Variants in TRPM6 observed in about 807,000 individuals in gnomAD.
TRPM6 encodes the protein transient receptor potential cation channel subfamily M member 6.
A neutral mutation model predicts 247.6 loss-of-function variants in TRPM6; 111 were observed. The ratio of observed to expected loss-of-function variants is 0.45; its 90% CI spans 0.38 to 0.52. The LOEUF is 0.52. TRPM6 is among the 20% of genes least tolerant of loss of function. The probability of loss-of-function intolerance (pLI) is 0.00; values close to 1 mark genes in which losing one functional copy is unlikely to be tolerated. For missense variants in TRPM6, 2,126 were observed against 2,421.5 expected (o/e 0.88, Z 2.56); for synonymous variants, 892 against 853.8 (o/e 1.04, Z -0.78).
chr9:74,841,501 ACTT>A (rs1387542256), intron 4 of TRPM6, among the ~76,000 whole-genome samples: 2 of 148,496 alleles, frequency 1.3e-5, no homozygotes, highest in Non-Finnish European at 3.0e-5. Context: ...TCATCTTTGA[ACTT>A]CTTTTTTTTT....
intron 14 of TRPM6, among the ~76,000 whole-genome samples, chr9:74,805,997 G>A (rs948270592): frequency 4.6e-5 from 7 of 151,980 alleles, no homozygotes; most frequent in African/African-American, 1.7e-4. Flanking sequence ...ATTATATTAA[G>A]GAATTATTCA....
intron 1 of TRPM6, among the ~76,000 whole-genome samples, chr9:74,868,716 A>G (rs1052055766): frequency 7.9e-5 from 12 of 152,188 alleles, no homozygotes; most frequent in Admixed American, 2.0e-4. Flanking sequence ...GAAAGACAAC[A>G]AAGGTTTTAA....
chr9:74,861,103 C>T (rs564063474), intron 1 of TRPM6, among the ~76,000 whole-genome samples: 1 of 152,306 alleles, frequency 6.6e-6, no homozygotes, highest in South Asian at 2.1e-4. Flanking sequence ...AAAACGTTAA[C>T]AATTTCATTT....
In TRPM6 at chr9:74,800,182, A is replaced by G. The variant is rs1373254210; in HGVS notation, c.2238+72T>C. ...TTCCTGAAGACACAATTCTGGAACA[A>G]AATGTAACTCGAGTACAGAATTTTA... is the stretch of plus-strand genomic sequence containing the variant. On this transcript the variant is annotated intron_variant, in intron 17 of 38. Coordinates refer to ENST00000360774, the MANE Select transcript of TRPM6 (RefSeq NM_017662.5). The G allele has an allele frequency of 1.6e-5, 22 of 1,411,600 alleles. No individual in the cohort carries two copies. In the Admixed American group the frequency reaches 3.9e-4, roughly 25 times the overall value. The allele number at this position is 1,411,600 out of a possible 1,614,324, so 87.4% of individuals were successfully genotyped here.
chr9:74,875,875 G>C (rs1258587224), intron 1 of TRPM6, among the ~76,000 whole-genome samples: 1 of 152,106 alleles, frequency 6.6e-6, no homozygotes, highest in Admixed American at 6.6e-5. Context: ...AACAGGCCAA[G>C]GATCTGTAAA....
intron 20 of TRPM6, among the ~76,000 whole-genome samples, chr9:74,787,798 C>T (rs1470623610): frequency 2.0e-5 from 3 of 152,208 alleles, no homozygotes; most frequent in Non-Finnish European, 4.4e-5. Context: ...TCACTGCAAC[C>T]TCCACCTCCT....
chr9:74,727,855 TTAGAA>T (rs1343154998), intron 38 of TRPM6, among the ~76,000 whole-genome samples: 2 of 152,072 alleles, frequency 1.3e-5, no homozygotes, highest in Non-Finnish European at 2.9e-5. Flanking sequence ...AATGGCGAAA[TTAGAA>T]TAGAATAGAA....
At chr9:74,854,457 G>C (rs1308517310) in intron 3 of TRPM6, among the ~76,000 whole-genome samples, 3 of 152,024 alleles carry the variant, frequency 2.0e-5, no homozygotes, top group Non-Finnish European at 4.4e-5. Flanking sequence ...ACTTTCAGTA[G>C]CAAACACCGC....
intron 5 of TRPM6, 68 bp downstream of exon 5, chr9:74,839,956 A>T (rs1356262662): frequency 9.0e-7 from 1 of 1,107,358 alleles, no homozygotes; most frequent in Non-Finnish European, 1.3e-6. Context: ...AAAAGAAAAG[A>T]GGGAGAGAGG....
At chr9:74,756,548 C>A (rs1826433802) in intron 27 of TRPM6, among the ~76,000 whole-genome samples, 1 of 151,780 alleles carries the variant, frequency 6.6e-6, no homozygotes, top group South Asian at 2.1e-4. Context: ...TAAATGACTA[C>A]ATTAGAAAAG....
intron 1 of TRPM6, among the ~76,000 whole-genome samples, chr9:74,874,811 A>G (rs1831140996): frequency 6.7e-6 from 1 of 149,014 alleles, no homozygotes; most frequent in African/African-American, 2.5e-5. Flanking sequence ...GCCAGAGTGT[A>G]GTGGTGCAAT....
At position 74,755,422 on chromosome 9, in the gene TRPM6, C is replaced by T. The variant is rs767220283; in HGVS notation, c.4837G>A (p.Gly1613Arg). 40 of 1,614,036 alleles carry T rather than the reference C, an allele frequency of 2.5e-5. No individual in the cohort carries two copies. The highest frequency in any genetic ancestry group is 3.0e-5 in the Non-Finnish European group (35 of 1,180,020). ...SQSDQLNPEPGENSISEEEYS... is the reference protein window; with the variant it reads ...SQSDQLNPEPRENSISEEEYS... ...TCCTCTTCAGAGATGCTGTTTTCTC[C>T]TGGCTCTGGATTCAACTGGTCACTC... The change falls in exon 28 of 39, where the codon GGA (glycine) becomes AGA (arginine). Residue 1613 changes from glycine (G) to arginine (R), a missense_variant. Around this residue, in one of 3 missense-constraint regions of TRPM6, gnomAD observed 717 missense variants for 715.9 expected, o/e 1.00. Coordinates refer to ENST00000360774, the MANE Select transcript of TRPM6 (RefSeq NM_017662.5).
In TRPM6 at chr9:74,728,240, C is replaced by T. The variant is rs748626753; in HGVS notation, c.5934G>A (p.Pro1978=). ...CNSCCRKLKL[P]DLKRNDYSPE... is the part of the protein sequence containing the mutation. The stretch of plus-strand genomic sequence containing the variant: ...AAAAAAGAACTGTTAGTGGCATACC[C>T]GGGAGTTTGAGCTTCCGGCAGCAGG... The change falls in exon 38 of 39, where the codon CCG becomes CCA. Residue 1978 remains proline, a splice_region_variant and synonymous_variant. Transcript: ENST00000360774. The T allele has an allele frequency of 3.7e-5, 59 of 1,611,604 alleles. No homozygotes were observed. The highest frequency in any genetic ancestry group is 3.3e-4 in the South Asian group (30 of 91,016).
chr9:74,729,625 T>A (rs2118686372), intron 37 of TRPM6, among the ~76,000 whole-genome samples: 1 of 152,330 alleles, frequency 6.6e-6, no homozygotes, highest in East Asian at 1.9e-4. Flanking sequence ...TCTTGTTAAC[T>A]ATTCCTCTCT....
intron 3 of TRPM6, 152 bp from the exon 4 acceptor site, chr9:74,842,495 T>G (rs1054008266): frequency 4.9e-6 from 4 of 813,180 alleles, no homozygotes; most frequent in Non-Finnish European, 8.0e-6. Flanking sequence ...AGGACTGTCT[T>G]CTAAGTTTAG....
At chr9:74,751,110 C>T (rs1345284314) in intron 29 of TRPM6, among the ~76,000 whole-genome samples, 1 of 152,140 alleles carries the variant, frequency 6.6e-6, no homozygotes, top group African/African-American at 2.4e-5. Flanking sequence ...ACAGACAACA[C>T]GGATCATCAC....
chr9:74,743,075 C>G (rs150855112), intron 32 of TRPM6, among the ~76,000 whole-genome samples: 1 of 152,148 alleles, frequency 6.6e-6, no homozygotes, highest in Non-Finnish European at 1.5e-5. Context: ...TAATTAGAAG[C>G]GAGTGATCTG....
At chr9:74,838,714 G>A (rs757204499) in intron 5 of TRPM6, among the ~76,000 whole-genome samples, 21 of 151,892 alleles carry the variant, frequency 1.4e-4, no homozygotes, top group East Asian at 1.2e-3. Context: ...TGACGAGTGC[G>A]TTGGCATCTC....
chr9:74,801,920 C>T lies in TRPM6; in HGVS notation c.1987G>A (p.Glu663Lys). ...KESHMVDDAS[E>K]ELKNYSKQFG... ...TACTTTGAGTAATTCTTCAACTCTT[C>T]TGAGGCATCATCCACCATGTGACTC... The change falls in exon 16 of 39, where the codon GAA (glutamate) becomes AAA (lysine). Residue 663 changes from glutamate to lysine, a missense_variant. Coordinates refer to ENST00000360774, the MANE Select transcript of TRPM6 (RefSeq NM_017662.5). 6.2e-7 allele frequency: 1 copy of T among 1,614,212 alleles called. No individual in the cohort carries two copies. Among genetic ancestry groups the T allele is most frequent in the Non-Finnish European group, 8.5e-7 (1 of 1,180,034 alleles).
Sources: gnomAD v4.1 joint callset for allele counts (sites outside exome capture counted in the v4.1 genomes callset) on GRCh38, gnomAD v4.1.1 for gene constraint, gnomAD v4.1.1 regional missense constraint, MANE v1.5 for transcripts, NCBI Gene and HGNC (gene_info 2026-07-23, HGNC 2026-07-21) for gene names.